Variants in MDGA2 observed in about 807,000 individuals in gnomAD.
The protein encoded by MDGA2 is MAM domain containing glycosylphosphatidylinositol anchor 2.
MDGA2 carries 40 observed loss-of-function variants against 117.8 expected under a neutral mutation model. The observed-to-expected ratio is 0.34, with a 90% CI of 0.26 to 0.44. MDGA2 has a LOEUF of 0.44. Among genes scored for constraint, MDGA2 ranks in the 20% least tolerant of loss-of-function variants. The probability of loss-of-function intolerance (pLI) is 1.00; values close to 1 mark genes in which losing one functional copy is unlikely to be tolerated. For missense variants in MDGA2, 1,123 were observed against 1,250.6 expected (o/e 0.90, Z 1.54); for synonymous variants, 452 against 439.0 (o/e 1.03, Z -0.37).
chr14:47,176,536 A>C (rs1384648378), intron 3 of MDGA2, among the ~76,000 whole-genome samples: 1 of 152,232 alleles, frequency 6.6e-6, no homozygotes, highest in Non-Finnish European at 1.5e-5. Context: ...ACCTGAGAAA[A>C]ACAAGCAATG....
intron 1 of MDGA2, among the ~76,000 whole-genome samples, chr14:47,615,441 C>CCAAGCCCACATACA (rs1896930837): frequency 6.6e-6 from 1 of 151,870 alleles, no homozygotes; most frequent in African/African-American, 2.4e-5. Context: ...TGATTCTAGC[C>CCAAGCCCACATACA]CAAGCCCACA....
chr14:47,674,944 C>A lies in MDGA2; in HGVS notation c.-148G>T, dbSNP rs1471464577. ...GGGGCGGTGATGGGAAGGGGAGCTG[C>A]GAGGCGAAGTGTTCTTCAGGGAAGC... On this transcript the variant is annotated 5_prime_UTR_variant, in exon 1 of 17. Transcript: ENST00000399232. 2 of 492,792 alleles carry A rather than the reference C, an allele frequency of 4.1e-6. No individual in the cohort carries two copies. The highest frequency in any genetic ancestry group is 4.3e-5 in the Admixed American group (1 of 23,000). The allele number at this position is 492,792 out of a possible 1,614,324, so 30.5% of individuals were successfully genotyped here.
At chr14:47,523,174 G>C (rs893424030) in intron 1 of MDGA2, among the ~76,000 whole-genome samples, 1 of 152,008 alleles carries the variant, frequency 6.6e-6, no homozygotes, top group South Asian at 2.1e-4. Flanking sequence ...CAAAAAGGAC[G>C]AAAGAAAAAT....
At chr14:47,181,057 T>A (rs933924653) in intron 3 of MDGA2, among the ~76,000 whole-genome samples, 20 of 152,318 alleles carry the variant, frequency 1.3e-4, no homozygotes, top group African/African-American at 4.8e-4. Context: ...GTGTAGTTAT[T>A]CCTCTTATTC....
chr14:47,551,339 G>A (rs933061833), intron 1 of MDGA2, among the ~76,000 whole-genome samples: 7 of 152,056 alleles, frequency 4.6e-5, no homozygotes, highest in African/African-American at 1.7e-4. Context: ...CCTGTTCTTT[G>A]CCTGGGGATA....
Position 47,376,963 on chromosome 14 carries a change from T to C in MDGA2, c.281-75413A>G, listed in dbSNP as rs145058616. Among the ~76,000 whole-genome samples the C allele has an allele frequency of 1.9e-3, 283 of 152,250 alleles. 2 individuals are homozygous for C. Among genetic ancestry groups the C allele is most frequent in the African/African-American group, 6.5e-3 (270 of 41,552 alleles). ...TAACAATAAGAGTGCTGGTGGACTA[T>C]AGAAAAAATAAAGAACTTGTTAAAG... On this transcript the variant is annotated intron_variant, in intron 1 of 16. Coordinates refer to ENST00000399232, the MANE Select transcript of MDGA2 (RefSeq NM_001113498.3).
At chr14:47,666,220 C>G (rs1405066400) in intron 1 of MDGA2, among the ~76,000 whole-genome samples, 4 of 148,084 alleles carry the variant, frequency 2.7e-5, no homozygotes, top group Admixed American at 6.6e-5. Flanking sequence ...TTATGTCTAG[C>G]TAAGGGATTG....
chr14:47,607,091 T>C (rs1017548722), intron 1 of MDGA2, among the ~76,000 whole-genome samples: 4 of 152,158 alleles, frequency 2.6e-5, no homozygotes, highest in Non-Finnish European at 5.9e-5. Flanking sequence ...TCAAATTACT[T>C]TGAAAGTTAA....
chr14:47,286,432 T>C (rs922561395), intron 2 of MDGA2, among the ~76,000 whole-genome samples: 1 of 151,586 alleles, frequency 6.6e-6, no homozygotes, highest in Non-Finnish European at 1.5e-5. Flanking sequence ...ACTGCTTCCA[T>C]GAGATTAGTT....
intron 3 of MDGA2, among the ~76,000 whole-genome samples, chr14:47,217,090 C>G (rs1258901088): frequency 6.6e-6 from 1 of 152,044 alleles, no homozygotes; most frequent in Non-Finnish European, 1.5e-5. Flanking sequence ...AGCAGAGCAT[C>G]TGACAAGTAG....
At chr14:47,085,478 A>G (rs1219150781) in intron 6 of MDGA2, among the ~76,000 whole-genome samples, 1 of 152,190 alleles carries the variant, frequency 6.6e-6, no homozygotes, top group East Asian at 1.9e-4. Context: ...ACTATAGATT[A>G]CAACAGTGGT....
At chr14:47,178,164 T>C (rs1322275049) in intron 3 of MDGA2, among the ~76,000 whole-genome samples, 1 of 152,148 alleles carries the variant, frequency 6.6e-6, no homozygotes, top group Non-Finnish European at 1.5e-5. Flanking sequence ...CATTAAGTAA[T>C]ATTAAAATTC....
chr14:47,613,522 C>A (rs2138910802), intron 1 of MDGA2, among the ~76,000 whole-genome samples: 1 of 151,644 alleles, frequency 6.6e-6, no homozygotes, highest in East Asian at 1.9e-4. Flanking sequence ...CGCACACCCA[C>A]CAACCATCCC....
chr14:47,242,739 C>T (rs1479605662), intron 2 of MDGA2, among the ~76,000 whole-genome samples: 1 of 151,798 alleles, frequency 6.6e-6, no homozygotes, highest in Non-Finnish European at 1.5e-5. Context: ...ACTCCATGGG[C>T]CCCTGTGCGG....
At chr14:47,105,838 C>T (rs1455268671) in intron 5 of MDGA2, among the ~76,000 whole-genome samples, 1 of 151,988 alleles carries the variant, frequency 6.6e-6, no homozygotes, top group African/African-American at 2.4e-5. Context: ...TGACCTCTCC[C>T]CTCCTCCCCA....
At chr14:47,351,731 T>A (rs1163556624) in intron 1 of MDGA2, among the ~76,000 whole-genome samples, 2 of 152,170 alleles carry the variant, frequency 1.3e-5, no homozygotes, top group Non-Finnish European at 2.9e-5. Context: ...ATTATTATGA[T>A]TTGCTAATGG....
chr14:47,186,502 T>G (rs899071513), intron 3 of MDGA2, among the ~76,000 whole-genome samples: 1 of 151,846 alleles, frequency 6.6e-6, no homozygotes, highest in Non-Finnish European at 1.5e-5. Flanking sequence ...ATTTATAGGG[T>G]GCTTACTATA....
At chr14:47,094,649 A>C (rs1299223674) in intron 6 of MDGA2, among the ~76,000 whole-genome samples, 1 of 152,064 alleles carries the variant, frequency 6.6e-6, no homozygotes, top group Admixed American at 6.6e-5. Context: ...ACTTAAGGAT[A>C]GATGTTGCAG....
intron 14 of MDGA2, among the ~76,000 whole-genome samples, chr14:46,866,934 A>C (rs1402541795): frequency 6.6e-6 from 1 of 152,172 alleles, no homozygotes; most frequent in Non-Finnish European, 1.5e-5. Flanking sequence ...ACACTTTTAC[A>C]CTGTTGGTGG....
Sources: gnomAD v4.1 joint callset for allele counts (sites outside exome capture counted in the v4.1 genomes callset) on GRCh38, gnomAD v4.1.1 for gene constraint, MANE v1.5 for transcripts, NCBI Gene and HGNC (gene_info 2026-07-23, HGNC 2026-07-21) for gene names.